Variants in DPYSL2 observed in about 807,000 individuals in gnomAD.
DPYSL2 encodes dihydropyrimidinase-related protein 2.
DPYSL2 carries 13 observed loss-of-function variants against 69.9 expected under a neutral mutation model. The observed-to-expected ratio is 0.19, with a 90% CI of 0.12 to 0.30. DPYSL2 has a LOEUF of 0.30. DPYSL2 is among the 10% of genes least tolerant of loss of function. DPYSL2 has a pLI of 1.00. For synonymous variants in DPYSL2, 326 were observed against 359.1 expected, an observed-to-expected ratio of 0.91 and a Z score of 1.04; for missense variants, 587 against 918.9, an observed-to-expected ratio of 0.64 and a Z score of 4.67.
intron 10 of DPYSL2, among the ~76,000 whole-genome samples, chr8:26,646,801 G>A (rs1483232505): frequency 1.3e-5 from 2 of 152,058 alleles, no homozygotes; most frequent in East Asian, 3.9e-4. Context: ...GCCCAGCTGG[G>A]CAACATAGTG....
rs1349381865 is a variant in DPYSL2 at position 26,586,085 on chromosome 8, A to C, written c.628+2102A>C. On this transcript the variant is annotated intron_variant, in intron 3 of 13. Coordinates refer to ENST00000521913, the MANE Select transcript of DPYSL2 (RefSeq NM_001197293.3). The surrounding 1 kb of genome is among the most constrained non-coding windows in gnomAD (Gnocchi z 4.7). Reference sequence around the variant, plus strand: ...ACCACTGCACTCTATCCTGAGCAATAGAGTGAGACTCCGTCTCAAAAAAAA... The same window carrying C: ...ACCACTGCACTCTATCCTGAGCAATCGAGTGAGACTCCGTCTCAAAAAAAA... Among the ~76,000 whole-genome samples the C allele has an allele frequency of 1.3e-5, 2 of 152,004 alleles. No individual in the cohort carries two copies. The highest frequency in any genetic ancestry group is 2.9e-5 in the Non-Finnish European group (2 of 67,986).
chr8:26,647,485 T>A lies in DPYSL2; in HGVS notation c.1426-145T>A. 1.2e-6 allele frequency: 1 copy of A among 835,408 alleles called. No homozygotes were observed. The highest frequency in any genetic ancestry group is 1.7e-5 in the African/African-American group (1 of 58,416). The allele number at this position is 835,408 out of a possible 1,614,324, so 51.7% of individuals were successfully genotyped here. A position where few individuals can be genotyped will look rare whatever the true frequency, so the allele number is the denominator to read the frequency against. On this transcript the variant is annotated intron_variant, in intron 10 of 13. Transcript: ENST00000521913. This position sits in a 1 kb window ranked among gnomAD's most constrained non-coding sequence, Gnocchi z 5.1. ...AATGGAGTCATACAGTGTGTGACCT[T>A]TGAGACGGTTTGTGTTTCACTTGGC... is the stretch of plus-strand genomic sequence containing the variant.
intron 3 of DPYSL2, among the ~76,000 whole-genome samples, chr8:26,613,332 C>T (rs999190665): frequency 1.3e-5 from 2 of 152,238 alleles, no homozygotes; most frequent in Non-Finnish European, 2.9e-5. Context: ...AGGGTCCTCT[C>T]CCAGCAGCCT....
rs186825500 is a variant in DPYSL2, at chr8:26,596,626, C to T, written c.628+12643C>T. The stretch of plus-strand genomic sequence containing the variant: ...TATCGGGAATCTGTGGGACGCAAGC[C>T]CTGCATACACCATTTCTAATCCTTC... On this transcript the variant is annotated intron_variant, in intron 3 of 13. Transcript: ENST00000521913. 3.2e-4 allele frequency among the ~76,000 whole-genome samples: 48 copies of T among 152,262 alleles called. 1 individual carries two copies. The highest frequency in any genetic ancestry group is 7.8e-4 in the Admixed American group (12 of 15,296).
At chr8:26,607,442 C>T (rs1802130772) in intron 3 of DPYSL2, among the ~76,000 whole-genome samples, 1 of 148,078 alleles carries the variant, frequency 6.8e-6, no homozygotes, top group Admixed American at 6.8e-5. Flanking sequence ...GAGATTGCGC[C>T]ACTGCACTGT....
rs932381642 is a variant in DPYSL2, at chr8:26,641,605, T to G, written c.1127-1834T>G. On this transcript the variant is annotated intron_variant, in intron 8 of 13. Coordinates refer to ENST00000521913, the MANE Select transcript of DPYSL2 (RefSeq NM_001197293.3). The surrounding 1 kb of genome is among the most constrained non-coding windows in gnomAD (Gnocchi z 4.1). ...AACCGGAGTGGTTTGTGCAGCCACC[T>G]GATAGCTCTTTGCACCAGCTTCTGC... is the stretch of plus-strand genomic sequence containing the variant. 6.6e-6 allele frequency among the ~76,000 whole-genome samples: 1 copy of G among 152,266 alleles called. No homozygotes were observed. The highest frequency in any genetic ancestry group is 2.4e-5 in the African/African-American group (1 of 41,476).
In DPYSL2 at chr8:26,640,974, C is replaced by G. The variant is rs1468381902; in HGVS notation, c.1127-2465C>G. 2.0e-5 allele frequency among the ~76,000 whole-genome samples: 3 copies of G among 152,152 alleles called. No individual in the cohort carries two copies. Among genetic ancestry groups the G allele is most frequent in the African/African-American group, 7.2e-5 (3 of 41,432 alleles). On this transcript the variant is annotated intron_variant, in intron 8 of 13. Coordinates refer to ENST00000521913, the MANE Select transcript of DPYSL2 (RefSeq NM_001197293.3). The surrounding 1 kb of genome is among the most constrained non-coding windows in gnomAD (Gnocchi z 4.2). The stretch of plus-strand genomic sequence containing the variant: ...TTGAAGTGAGGTAGATATTCCTGTG[C>G]ACAGAGAGAAGGGGAATCCAGCTCC...
rs1198524644 is a variant in DPYSL2, at chr8:26,562,712, A to G, written c.355-19257A>G. Reference sequence around the variant, plus strand: ...CCCCAAAATATAGTGGCAAAGACCAACAACACTCTTACTGTGCTCATGGAT... The same window carrying G: ...CCCCAAAATATAGTGGCAAAGACCAGCAACACTCTTACTGTGCTCATGGAT... On this transcript the variant is annotated intron_variant, in intron 1 of 13. Coordinates refer to ENST00000521913, the MANE Select transcript of DPYSL2 (RefSeq NM_001197293.3). This position sits in a 1 kb window ranked among gnomAD's most constrained non-coding sequence, Gnocchi z 4.9. 1.3e-5 allele frequency among the ~76,000 whole-genome samples: 2 copies of G among 152,210 alleles called. No individual in the cohort carries two copies. Among genetic ancestry groups the G allele is most frequent in the Non-Finnish European group, 2.9e-5 (2 of 68,038 alleles).
intron 3 of DPYSL2, among the ~76,000 whole-genome samples, chr8:26,606,889 C>T (rs2129836336): frequency 6.6e-6 from 1 of 151,936 alleles, no homozygotes; most frequent in East Asian, 1.9e-4. Context: ...GTTGTAATAC[C>T]CAGTGTTGGC....
rs905958281 is a variant in DPYSL2 at position 26,588,865 on chromosome 8, A to G, written c.628+4882A>G. 1.3e-5 allele frequency among the ~76,000 whole-genome samples: 2 copies of G among 152,024 alleles called. No homozygotes were observed. Among genetic ancestry groups the G allele is most frequent in the African/African-American group, 4.8e-5 (2 of 41,376 alleles). ...TCTGCAGAGTCATCCTAGCATCTTC[A>G]TGTCCTCGTGCTGCCTTGAGTTGCT... On this transcript the variant is annotated intron_variant, in intron 3 of 13. Coordinates refer to ENST00000521913, the MANE Select transcript of DPYSL2 (RefSeq NM_001197293.3). This position sits in a 1 kb window ranked among gnomAD's most constrained non-coding sequence, Gnocchi z 5.4.
chr8:26,635,227 T>C (rs906368769), intron 8 of DPYSL2, among the ~76,000 whole-genome samples: 2 of 152,224 alleles, frequency 1.3e-5, no homozygotes, highest in Non-Finnish European at 2.9e-5. Flanking sequence ...ATTACGTCAG[T>C]TTCCATCCGC....
chr8:26,620,907 C>T lies in DPYSL2; in HGVS notation c.629-3236C>T, dbSNP rs961500297. Among the ~76,000 whole-genome samples the T allele has an allele frequency of 1.3e-5, 2 of 152,202 alleles. No homozygotes were observed. Among genetic ancestry groups the T allele is most frequent in the Non-Finnish European group, 2.9e-5 (2 of 68,038 alleles). ...AAGTATTTATCTATACAAACACACACATATGTACACACTTGCATCCACATC... is the reference window on the plus strand; with the variant it reads ...AAGTATTTATCTATACAAACACACATATATGTACACACTTGCATCCACATC... On this transcript the variant is annotated intron_variant, in intron 3 of 13. Coordinates refer to ENST00000521913, the MANE Select transcript of DPYSL2 (RefSeq NM_001197293.3). The surrounding 1 kb of genome is among the most constrained non-coding windows in gnomAD (Gnocchi z 4.5).
intron 1 of DPYSL2, chr8:26,548,287 A>G: frequency 4.6e-6 from 1 of 216,224 alleles, no homozygotes. Context: ...ACCTATGGGG[A>G]GATCGGGGAC....
At chr8:26,630,312 G>A (rs542611143) in intron 7 of DPYSL2, among the ~76,000 whole-genome samples, 1 of 152,262 alleles carries the variant, frequency 6.6e-6, no homozygotes, top group East Asian at 1.9e-4. Context: ...CCTGTCGGGT[G>A]GTTTAAACCA....
At position 26,609,023 on chromosome 8, in the gene DPYSL2, A is replaced by G. The variant is rs534412007; in HGVS notation, c.629-15120A>G. ...AACAGCGGATCTGTTTTTTTACTCC[A>G]TGTAATGGGACTGTTGCTGCAGCTT... is the stretch of plus-strand genomic sequence containing the variant. On this transcript the variant is annotated intron_variant, in intron 3 of 13. Transcript: ENST00000521913. This position sits in a 1 kb window ranked among gnomAD's most constrained non-coding sequence, Gnocchi z 6.5. 4.2e-4 allele frequency among the ~76,000 whole-genome samples: 64 copies of G among 152,300 alleles called. No individual in the cohort carries two copies. The highest frequency in any genetic ancestry group is 2.5e-3 in the East Asian group (13 of 5,182).
At chr8:26,525,788 T>C (rs1808465800) in intron 1 of DPYSL2, among the ~76,000 whole-genome samples, 1 of 152,184 alleles carries the variant, frequency 6.6e-6, no homozygotes, top group Admixed American at 6.5e-5. Flanking sequence ...TTTAATATCT[T>C]TAGTTTTCGT....
intron 3 of DPYSL2, among the ~76,000 whole-genome samples, chr8:26,589,895 G>A (rs1311443351): frequency 6.6e-6 from 1 of 152,218 alleles, no homozygotes; most frequent in Non-Finnish European, 1.5e-5. Context: ...CAGTGCCTTG[G>A]GCTTGTCCCG....
chr8:26,608,076 CAAAAAAAAAAA>C (rs11355802), intron 3 of DPYSL2, among the ~76,000 whole-genome samples: 17 of 73,978 alleles, frequency 2.3e-4, no homozygotes, highest in African/African-American at 7.0e-4. Flanking sequence ...GACTCCATCT[CAAAAAAAAAAA>C]AAAAAAAATT....
At position 26,593,778 on chromosome 8, in the gene DPYSL2, C is replaced by T. The variant is rs184897788; in HGVS notation, c.628+9795C>T. On this transcript the variant is annotated intron_variant, in intron 3 of 13. Coordinates refer to ENST00000521913, the MANE Select transcript of DPYSL2 (RefSeq NM_001197293.3). The surrounding 1 kb of genome is among the most constrained non-coding windows in gnomAD (Gnocchi z 5.7). ...GGGAACTGGAATGTGGACTGCTGTC[C>T]CCAGCCTGTGGCCACCTGCTGTGCT... Among the ~76,000 whole-genome samples, 438 of 152,196 alleles carry T rather than the reference C, an allele frequency of 2.9e-3. 1 individual carries two copies. The highest frequency in any genetic ancestry group is 9.9e-3 in the African/African-American group (411 of 41,540).
Sources: allele counts gnomAD v4.1 joint callset (sites outside exome capture counted in the v4.1 genomes callset), GRCh38; gene constraint gnomAD v4.1.1; non-coding constraint Gnocchi (gnomAD v3.1); transcripts MANE v1.5; gene names NCBI Gene and HGNC (gene_info 2026-07-23, HGNC 2026-07-21).